AGO4: variants seen among roughly 807,000 people sequenced by gnomAD.
AGO4 encodes argonaute RISC component 4.
Under a neutral mutation model 104.7 loss-of-function variants are expected in AGO4, and 33 were observed. The observed-to-expected ratio is 0.32, with a 90% CI of 0.24 to 0.42. AGO4 has a LOEUF of 0.42. Among genes scored for constraint, AGO4 ranks in the 10% least tolerant of loss-of-function variants. AGO4 has a pLI of 1.00. For synonymous variants in AGO4, 331 were observed against 364.7 expected, an observed-to-expected ratio of 0.91 and a Z score of 1.05; for missense variants, 711 against 1,083.4, an observed-to-expected ratio of 0.66 and a Z score of 4.83.
intron 17 of AGO4, among the ~76,000 whole-genome samples, chr1:35,852,033 T>C (rs570709680): frequency 6.6e-6 from 1 of 152,188 alleles, no homozygotes; most frequent in East Asian, 1.9e-4. Context: ...AGAATGGCTC[T>C]ACAAAAAAGA....
In AGO4 at chr1:35,856,829, AAGGG is replaced by A. The variant is rs1644826781; in HGVS notation, c.*3225_*3228del. The stretch of plus-strand genomic sequence containing the variant: ...AGCGAAACTCTGTCTCAAAAAAAAA[AAGGG>A]GGGGGGGGGACATTAAGAGAGTGGT... On this transcript the variant is annotated 3_prime_UTR_variant, in exon 18 of 18. Coordinates refer to ENST00000373210, the MANE Select transcript of AGO4 (RefSeq NM_017629.4). 4 of 19,190 alleles carry A rather than the reference AAGGG, an allele frequency of 2.1e-4. No individual in the cohort carries two copies. Among genetic ancestry groups the A allele is most frequent in the East Asian group, 2.0e-3 (1 of 504 alleles). The allele number at this position is 19,190 out of a possible 1,614,324, so 1.2% of individuals were successfully genotyped here.
At chr1:35,816,648 A>C (rs1406264602) in intron 1 of AGO4, among the ~76,000 whole-genome samples, 1 of 151,902 alleles carries the variant, frequency 6.6e-6, no homozygotes. Flanking sequence ...AAAATACAAA[A>C]ATTAGCCAGG....
intron 1 of AGO4, among the ~76,000 whole-genome samples, chr1:35,815,078 A>C (rs1266786088): frequency 6.6e-6 from 1 of 152,130 alleles, no homozygotes; most frequent in Admixed American, 6.5e-5. Flanking sequence ...GGGTTTTACT[A>C]TGCTGGCCAG....
chr1:35,808,560 GC>G lies in AGO4; in HGVS notation c.19+129del. 2 of 887,182 alleles carry G rather than the reference GC, an allele frequency of 2.3e-6. No individual in the cohort carries two copies. The highest frequency in any genetic ancestry group is 2.8e-6 in the Non-Finnish European group (2 of 712,718). 55.0% of individuals were successfully genotyped at this position (887,182 alleles called of 1,614,324 possible). On this transcript the variant is annotated intron_variant, in intron 1 of 17. Transcript: ENST00000373210. This position sits in a 1 kb window ranked among gnomAD's most constrained non-coding sequence, Gnocchi z 5.2. ...CCAGGCCTCGGGGAAGGGGACCCGA[GC>G]CCCGCAGCACGAAGCGGAGGGAGCT... is the stretch of plus-strand genomic sequence containing the variant.
chr1:35,816,928 A>G lies in AGO4; in HGVS notation c.66A>G (p.Gly22=), dbSNP rs1643728353. 6.2e-7 allele frequency: 1 copy of G among 1,613,684 alleles called. No individual in the cohort carries two copies. Among genetic ancestry groups the G allele is most frequent in the Non-Finnish European group, 8.5e-7 (1 of 1,179,872 alleles). Residue 22 remains glycine (G), a synonymous_variant, in exon 2 of 18, where the codon GGA becomes GGG. Coordinates refer to ENST00000373210, the MANE Select transcript of AGO4 (RefSeq NM_017629.4). ...AGCCACCTCGTCGTCCTGGCCTTGG[A>G]ACTGTTGGAAAACCAATTCGACTGT... is the stretch of plus-strand genomic sequence containing the variant. ...LFQPPRRPGL[G]TVGKPIRLLA...
At chr1:35,842,164 C>T (rs754049425) in intron 15 of AGO4, among the ~76,000 whole-genome samples, 7 of 152,106 alleles carry the variant, frequency 4.6e-5, no homozygotes, top group Non-Finnish European at 1.0e-4. Flanking sequence ...GGGTCCCCAA[C>T]CCCCAGACTG....
At chr1:35,813,761 AAAG>A (rs372415425) in intron 1 of AGO4, among the ~76,000 whole-genome samples, 141 of 150,038 alleles carry the variant, frequency 9.4e-4, no homozygotes, top group East Asian at 6.5e-3. Flanking sequence ...AAAAAGAAAA[AAAG>A]AAGAAGAAGA....
chr1:35,849,518 CAAAAAA>C (rs754902083), intron 15 of AGO4, among the ~76,000 whole-genome samples: 2 of 59,400 alleles, frequency 3.4e-5, no homozygotes, highest in African/African-American at 1.2e-4. Context: ...CCCCGTGTCT[CAAAAAA>C]AAAAAAAAAA....
intron 17 of AGO4, among the ~76,000 whole-genome samples, chr1:35,852,277 T>C (rs1644720350): frequency 6.6e-6 from 1 of 151,816 alleles, no homozygotes; most frequent in Non-Finnish European, 1.5e-5. Context: ...GAGGAGAGGG[T>C]GAAGTAAAAG....
At chr1:35,838,298 G>A (rs915233795) in intron 13 of AGO4, among the ~76,000 whole-genome samples, 25 of 151,780 alleles carry the variant, frequency 1.6e-4, no homozygotes, top group African/African-American at 5.1e-4. Context: ...TCAAGCAATC[G>A]GCCCACCTTG....
rs759547637 is a variant in AGO4, at chr1:35,832,051, C to G, written c.1117-6C>G. On this transcript the variant is annotated splice_region_variant and splice_polypyrimidine_tract_variant and intron_variant, in intron 9 of 17. Transcript: ENST00000373210. Reference sequence around the variant, plus strand: ...TTTTATATATGCAGGCTTTCCTGTTCTTTAGGTGAAGAGCAACAGTATGGT... The same window carrying G: ...TTTTATATATGCAGGCTTTCCTGTTGTTTAGGTGAAGAGCAACAGTATGGT... The G allele has an allele frequency of 6.2e-7, 1 of 1,610,034 alleles. No homozygotes were observed. The highest frequency in any genetic ancestry group is 1.7e-5 in the Admixed American group (1 of 58,834).
chr1:35,839,762 T>C (rs140966801), intron 13 of AGO4, among the ~76,000 whole-genome samples: 157 of 152,136 alleles, frequency 1.0e-3, no homozygotes, highest in African/African-American at 3.5e-3. Context: ...GTACCTATTA[T>C]ATGAGGTTGT....
chr1:35,850,166 A>G lies in AGO4; in HGVS notation c.2185A>G (p.Ser729Gly), dbSNP rs768782483. 2 of 1,572,674 alleles carry G rather than the reference A, an allele frequency of 1.3e-6. No homozygotes were observed. Among genetic ancestry groups the G allele is most frequent in the Non-Finnish European group, 1.7e-6 (2 of 1,160,854 alleles). ...CADKTERVGK[S>G]GNVPAGTTVD... The stretch of plus-strand genomic sequence containing the variant: ...TTTTTGTTTTTTGTAGGTAGGGAAA[A>G]GTGGCAATGTACCAGCAGGCACTAC... The change falls in exon 16 of 18, where the codon AGT becomes GGT. Residue 729 changes from serine (S) to glycine (G), a missense_variant. Around this residue, in one of 3 missense-constraint regions of AGO4, gnomAD observed 401 missense variants for 665.5 expected, o/e 0.60. Transcript: ENST00000373210.
At chr1:35,815,169 C>T (rs895573270) in intron 1 of AGO4, among the ~76,000 whole-genome samples, 5 of 152,196 alleles carry the variant, frequency 3.3e-5, no homozygotes, top group African/African-American at 9.6e-5. Flanking sequence ...TGAGCCACCA[C>T]GCCTGGCCCA....
At chr1:35,837,258 A>G (rs1644335033) in intron 13 of AGO4, among the ~76,000 whole-genome samples, 1 of 151,752 alleles carries the variant, frequency 6.6e-6, no homozygotes, top group Admixed American at 6.6e-5. Context: ...ATTTTTTTGT[A>G]TTTTTAGTAG....
chr1:35,850,246 T>A lies in AGO4; in HGVS notation c.2265T>A (p.His755Gln), dbSNP rs139289038. The A allele has an allele frequency of 1.2e-6, 2 of 1,613,334 alleles. No individual in the cohort carries two copies. Among genetic ancestry groups the A allele is most frequent in the Non-Finnish European group, 1.7e-6 (2 of 1,179,252 alleles). Residue 755 changes from histidine to glutamine, a missense_variant, in exon 16 of 18, where the codon CAT becomes CAA. His to Gln is a conservative substitution (Grantham distance 24). Around this residue, in one of 3 missense-constraint regions of AGO4, gnomAD observed 401 missense variants for 665.5 expected, o/e 0.60. Coordinates refer to ENST00000373210, the MANE Select transcript of AGO4 (RefSeq NM_017629.4). ...AGTTTGACTTTTACCTCTGTAGTCA[T>A]GCAGGAATTCAGGTAATTTGGAAGC... ...PSEFDFYLCSHAGIQGTSRPS... is the reference protein window; with the variant it reads ...PSEFDFYLCSQAGIQGTSRPS...
At chr1:35,807,990 G>T (rs1643347724), upstream of AGO4, among the ~76,000 whole-genome samples, 1 of 151,276 alleles carries the variant, frequency 6.6e-6, no homozygotes, top group African/African-American at 2.4e-5. Context: ...CGTCCACCGG[G>T]CTCTGCACCC....
At chr1:35,815,787 G>A in intron 1 of AGO4, among the ~76,000 whole-genome samples, 1 of 152,086 alleles carries the variant, frequency 6.6e-6, no homozygotes, top group East Asian at 1.9e-4. Context: ...TCCACTAGAT[G>A]CCAGCAGCAC....
At chr1:35,834,698 A>T (rs902276848) in intron 12 of AGO4, among the ~76,000 whole-genome samples, 2 of 151,690 alleles carry the variant, frequency 1.3e-5, no homozygotes, top group Non-Finnish European at 2.9e-5. Context: ...GGATATAGGA[A>T]CTATTATTGT....
Sources: allele counts gnomAD v4.1 joint callset (sites outside exome capture counted in the v4.1 genomes callset), GRCh38; gene constraint gnomAD v4.1.1; regional missense constraint gnomAD v4.1.1; non-coding constraint Gnocchi (gnomAD v3.1); transcripts MANE v1.5; gene names NCBI Gene and HGNC (gene_info 2026-07-23, HGNC 2026-07-21).